Variants in SPINK9 observed in about 807,000 individuals in gnomAD.
SPINK9 encodes the protein serine protease inhibitor Kazal-type 9.
In SPINK9, 3 loss-of-function variants were observed where a neutral mutation model predicts 10.8. The observed-to-expected ratio is 0.28, with a 90% CI of 0.13 to 0.72. The LOEUF (loss-of-function observed/expected upper bound fraction) is 0.72, where lower values mean the gene tolerates loss of function less well. Among genes scored for constraint, SPINK9 ranks in the 30% least tolerant of loss-of-function variants. The pLI, the probability that SPINK9 is intolerant of heterozygous loss-of-function variation, is 0.74. For synonymous variants in SPINK9, 30 were observed against 31.2 expected (o/e 0.96, Z 0.12); for missense variants, 101 against 103.2 (o/e 0.98, Z 0.09).
intron 1 of SPINK9, among the ~76,000 whole-genome samples, chr5:148,321,702 T>G (rs1423139249): frequency 6.6e-6 from 1 of 152,182 alleles, no homozygotes; most frequent in Non-Finnish European, 1.5e-5. Context: ...GTCTAACATA[T>G]GACCTGTATG....
upstream of SPINK9, among the ~76,000 whole-genome samples, chr5:148,332,931 T>C (rs17108157): frequency 0.06 from 8,626 of 144,262 alleles, 625 homozygotes; most frequent in African/African-American, 0.17. Flanking sequence ...CCTGAGAAAC[T>C]TATACAGTAA....
intron 2 of SPINK9, among the ~76,000 whole-genome samples, chr5:148,324,791 G>C (rs959346668): frequency 6.6e-6 from 1 of 151,946 alleles, no homozygotes; most frequent in South Asian, 2.1e-4. Context: ...GAGAGAGAGA[G>C]AGAGTCAAAA....
chr5:148,323,926 T>C (rs978815966), intron 2 of SPINK9: 2 of 659,474 alleles, frequency 3.0e-6, no homozygotes, highest in East Asian at 2.8e-5. Context: ...TCCTTACTTA[T>C]AAAATAAAGA....
intron 2 of SPINK9, among the ~76,000 whole-genome samples, chr5:148,328,359 T>C (rs1561766343): frequency 1.3e-5 from 2 of 152,220 alleles, no homozygotes; most frequent in Non-Finnish European, 2.9e-5. Flanking sequence ...TTTTGCATCC[T>C]GAGACTTTGC....
chr5:148,327,398 G>C (rs1285974028), intron 2 of SPINK9, among the ~76,000 whole-genome samples: 1 of 152,074 alleles, frequency 6.6e-6, no homozygotes, highest in African/African-American at 2.4e-5. Flanking sequence ...GCAGATTCTG[G>C]ATATTAGCCC....
intron 2 of SPINK9, among the ~76,000 whole-genome samples, chr5:148,329,831 ATCATGAGT>A (rs1757122981): frequency 6.6e-6 from 1 of 152,102 alleles, no homozygotes; most frequent in Non-Finnish European, 1.5e-5. Flanking sequence ...GAGTTTCCTA[ATCATGAGT>A]TCTAGTTTGA....
chr5:148,322,371 G>T (rs1757009007), intron 1 of SPINK9, among the ~76,000 whole-genome samples: 1 of 152,136 alleles, frequency 6.6e-6, no homozygotes, highest in South Asian at 2.1e-4. Flanking sequence ...ATGGAACAAT[G>T]ATATAGAATG....
chr5:148,322,613 C>A (rs2113407949), intron 1 of SPINK9, among the ~76,000 whole-genome samples: 1 of 152,270 alleles, frequency 6.6e-6, no homozygotes, highest in East Asian at 1.9e-4. Flanking sequence ...ACCTGGAAAT[C>A]AAATTCCTTC....
At chr5:148,328,168 C>G (rs1234209111) in intron 2 of SPINK9, among the ~76,000 whole-genome samples, 1 of 152,042 alleles carries the variant, frequency 6.6e-6, no homozygotes, top group Non-Finnish European at 1.5e-5. Context: ...TGTTTGTATC[C>G]TCTTTTATTT....
At chr5:148,337,882 G>T (rs1166819225) in intron 2 of SPINK9, among the ~76,000 whole-genome samples, 2 of 151,992 alleles carry the variant, frequency 1.3e-5, no homozygotes, top group Admixed American at 1.3e-4. Flanking sequence ...CTTTTCTTGG[G>T]AATTGCCTAC....
intron 2 of SPINK9, 34 bp from the exon 3 acceptor site, chr5:148,338,444 G>C: frequency 6.4e-7 from 1 of 1,567,602 alleles, no homozygotes; most frequent in Non-Finnish European, 8.6e-7. Context: ...AGATTTGGTT[G>C]AAAGAGTTGA....
At position 148,339,826 on chromosome 5, in the gene SPINK9, T is replaced by C; in HGVS notation, c.*114T>C. 2.4e-6 allele frequency: 2 copies of C among 844,142 alleles called. No homozygotes were observed. Among genetic ancestry groups the C allele is most frequent in the East Asian group, 2.7e-5 (1 of 36,744 alleles). The allele number at this position is 844,142 out of a possible 1,614,324, so 52.3% of individuals were successfully genotyped here. ...ACTCATCACCATATGTAGATTTCTT[T>C]GTAGAATAAAGCAGATATAAGGGAA... On this transcript the variant is annotated 3_prime_UTR_variant, in exon 4 of 4. Transcript: ENST00000377906.
At chr5:148,339,585 G>T in intron 3 of SPINK9, 82 bp from the exon 4 acceptor site, 2 of 1,176,150 alleles carry the variant, frequency 1.7e-6, no homozygotes, top group Admixed American at 1.9e-5. Flanking sequence ...ATACATTTTT[G>T]GGATTCATTA....
At chr5:148,327,338 C>T (rs1037340027) in intron 2 of SPINK9, among the ~76,000 whole-genome samples, 1 of 152,042 alleles carries the variant, frequency 6.6e-6, no homozygotes, top group Non-Finnish European at 1.5e-5. Context: ...TATCCCTTGC[C>T]CACTTTTTGA....
chr5:148,339,381 T>G (rs1696644995), intron 3 of SPINK9, among the ~76,000 whole-genome samples: 2 of 151,926 alleles, frequency 1.3e-5, no homozygotes, highest in African/African-American at 4.8e-5. Context: ...AAAAGAAAAA[T>G]AACAATTTTT....
At chr5:148,327,123 C>G (rs1309421855) in intron 2 of SPINK9, among the ~76,000 whole-genome samples, 1 of 152,164 alleles carries the variant, frequency 6.6e-6, no homozygotes, top group African/African-American at 2.4e-5. Context: ...AGTTAACAGT[C>G]CCACCAACAG....
upstream of SPINK9, among the ~76,000 whole-genome samples, chr5:148,333,316 G>A (rs1217242576): frequency 2.0e-5 from 3 of 152,178 alleles, no homozygotes; most frequent in Non-Finnish European, 2.9e-5. Flanking sequence ...AGCCAAGGAG[G>A]GTTCTTGGTT....
rs1757246505 is a variant in SPINK9, at chr5:148,338,470, T to C, written c.88-8T>C. On this transcript the variant is annotated splice_polypyrimidine_tract_variant and splice_region_variant and intron_variant, in intron 2 of 3. Coordinates refer to ENST00000377906, the MANE Select transcript of SPINK9 (RefSeq NM_001040433.2). ...AAAGAGTTGAAGGTTTTTAATATGTTTTTTCAGGTTGACTGCAGTCATTAT... is the reference window on the plus strand; with the variant it reads ...AAAGAGTTGAAGGTTTTTAATATGTCTTTTCAGGTTGACTGCAGTCATTAT... 2.5e-6 allele frequency: 4 copies of C among 1,588,258 alleles called. No homozygotes were observed. Among genetic ancestry groups the C allele is most frequent in the East Asian group, 4.5e-5 (2 of 44,488 alleles).
chr5:148,326,985 T>G (rs1581185036), intron 2 of SPINK9, among the ~76,000 whole-genome samples: 1 of 152,240 alleles, frequency 6.6e-6, no homozygotes, highest in East Asian at 1.9e-4. Flanking sequence ...TGTGTGCATG[T>G]GTCTTTATAG....
Sources: allele counts gnomAD v4.1 joint callset (sites outside exome capture counted in the v4.1 genomes callset), GRCh38; gene constraint gnomAD v4.1.1; transcripts MANE v1.5; gene names NCBI Gene and HGNC (gene_info 2026-07-23, HGNC 2026-07-21).